TSHR: variants seen among roughly 807,000 people sequenced by gnomAD.
TSHR encodes the protein thyroid stimulating hormone receptor, also known as thyrotropin receptor.
A neutral mutation model predicts 64.1 loss-of-function variants in TSHR; 51 were observed. The observed-to-expected ratio is 0.80, with a 90% CI of 0.64 to 1.01. The LOEUF is 1.01. TSHR is among the 50% of genes least tolerant of loss of function. The pLI is 0.00. For missense variants in TSHR, 877 were observed against 942.8 expected (o/e 0.93, Z 0.91); for synonymous variants, 361 against 361.9 (o/e 1.00, Z 0.03).
chr14:80,991,042 T>A (rs570062447), intron 1 of TSHR, among the ~76,000 whole-genome samples: 9 of 152,342 alleles, frequency 5.9e-5, no homozygotes, highest in African/African-American at 2.2e-4. Flanking sequence ...TAAGTTCTGA[T>A]TTTTCTCTCT....
At chr14:81,090,701 G>T (rs189756766) in intron 4 of TSHR, among the ~76,000 whole-genome samples, 1 of 152,200 alleles carries the variant, frequency 6.6e-6, no homozygotes, top group East Asian at 1.9e-4. Flanking sequence ...CTTCTTCTTA[G>T]CCCTTCACTA....
At chr14:81,073,205 C>G (rs1368819407) in intron 3 of TSHR, among the ~76,000 whole-genome samples, 2 of 150,364 alleles carry the variant, frequency 1.3e-5, no homozygotes, top group Middle Eastern at 3.5e-3. Flanking sequence ...TAGCTTCAAA[C>G]CATATAAAGC....
chr14:81,058,458 T>C (rs1456072388), intron 1 of TSHR, among the ~76,000 whole-genome samples: 2 of 152,262 alleles, frequency 1.3e-5, no homozygotes, highest in Non-Finnish European at 2.9e-5. Flanking sequence ...GATACAAGAC[T>C]ATAGCTGTGA....
At chr14:80,956,036 G>A (rs1039532783) in intron 1 of TSHR, 186 bp downstream of exon 1, 5 of 704,168 alleles carry the variant, frequency 7.1e-6, no homozygotes, top group African/African-American at 5.3e-5. Flanking sequence ...CACTTGGGAA[G>A]GTATCATTGT....
intron 1 of TSHR, among the ~76,000 whole-genome samples, chr14:80,987,892 C>T (rs2024427): frequency 0.19 from 28,145 of 152,090 alleles, 3,217 homozygotes; most frequent in Admixed American, 0.28. Context: ...CTTCCCTTTC[C>T]TACTTCGCCC....
intron 3 of TSHR, among the ~76,000 whole-genome samples, chr14:81,072,531 A>G (rs560022273): frequency 1.0e-3 from 156 of 152,258 alleles, no homozygotes; most frequent in African/African-American, 3.8e-3. Context: ...AAATTAATTA[A>G]TTAATACAAA....
intron 1 of TSHR, among the ~76,000 whole-genome samples, chr14:81,057,484 C>A (rs1359420599): frequency 6.6e-6 from 1 of 152,148 alleles, no homozygotes; most frequent in Non-Finnish European, 1.5e-5. Context: ...ATAAATGTCA[C>A]ATTAAATTGT....
chr14:81,128,744 A>G (rs1442092382), intron 8 of TSHR, among the ~76,000 whole-genome samples: 2 of 152,180 alleles, frequency 1.3e-5, no homozygotes, highest in Non-Finnish European at 2.9e-5. Context: ...CCCTCTCCCC[A>G]GATATCCATA....
rs758039628 is a variant in TSHR, at chr14:81,143,680, T to A, written c.1622T>A (p.Ile541Asn). Residue 541 changes from isoleucine to asparagine, a missense_variant, in exon 10 of 10, where the codon ATC becomes AAC. Physicochemically the swap from Ile to Asn is moderately radical, Grantham distance 149. Transcript: ENST00000298171. ...ATCCGCCTCAGGCACGCATGTGCCA[T>A]CATGGTTGGGGGCTGGGTTTGCTGC... Reference protein sequence around the residue: ...RKIRLRHACAIMVGGWVCCFL... With the variant: ...RKIRLRHACANMVGGWVCCFL... 5 of 1,614,176 alleles carry A rather than the reference T, an allele frequency of 3.1e-6. No individual in the cohort carries two copies. The highest frequency in any genetic ancestry group is 3.4e-6 in the Non-Finnish European group (4 of 1,180,034).
intron 8 of TSHR, among the ~76,000 whole-genome samples, chr14:81,138,657 T>C (rs1422533767): frequency 6.6e-6 from 1 of 152,178 alleles, no homozygotes; most frequent in Non-Finnish European, 1.5e-5. Flanking sequence ...CTGACGGCCT[T>C]GAACCTTGAG....
At chr14:81,033,848 T>C (rs1176140780) in intron 1 of TSHR, among the ~76,000 whole-genome samples, 1 of 152,236 alleles carries the variant, frequency 6.6e-6, no homozygotes, top group Non-Finnish European at 1.5e-5. Flanking sequence ...CTGTGGGTAA[T>C]CTGCAGCTAG....
intron 1 of TSHR, chr14:81,003,276 A>G (rs1889436643): frequency 6.6e-6 from 1 of 152,174 alleles, no homozygotes; most frequent in South Asian, 2.1e-4. Context: ...CTTTTTGTAC[A>G]GTACACATGC....
rs773835077 is a variant in TSHR at position 81,068,281 on chromosome 14, G to T, written c.270G>T (p.Gln90His). ...ACGTATCTATAGATGTGACTCTGCA[G>T]CAGCTGGAATCACACTCCTTCTACA... ...RIYVSIDVTL[Q>H]QLESHSFYNL... Residue 90 changes from glutamine (Q) to histidine (H), a missense_variant, in exon 3 of 10, where the codon CAG becomes CAT. Physicochemically the swap from Gln to His is conservative, Grantham distance 24. Transcript: ENST00000298171. 3 of 1,613,128 alleles carry T rather than the reference G, an allele frequency of 1.9e-6. No individual in the cohort carries two copies. The highest frequency in any genetic ancestry group is 1.7e-4 in the Middle Eastern group (1 of 6,058).
At chr14:81,069,750 G>A (rs1886926008) in intron 3 of TSHR, among the ~76,000 whole-genome samples, 1 of 152,106 alleles carries the variant, frequency 6.6e-6, no homozygotes, top group Non-Finnish European at 1.5e-5. Flanking sequence ...CCCTTGCAAA[G>A]ACTAAAGCCT....
intron 8 of TSHR, among the ~76,000 whole-genome samples, chr14:81,129,567 C>T (rs1891153493): frequency 6.6e-6 from 1 of 152,208 alleles, no homozygotes; most frequent in Non-Finnish European, 1.5e-5. Flanking sequence ...CATCCCACTT[C>T]CCCATTCCCT....
In TSHR at chr14:81,108,426, A is replaced by G. The variant is rs1890045988; in HGVS notation, c.666A>G (p.Gly222=). The G allele has an allele frequency of 6.2e-7, 1 of 1,613,748 alleles. No homozygotes were observed. The highest frequency in any genetic ancestry group is 8.5e-7 in the Non-Finnish European group (1 of 1,179,870). Residue 222 remains glycine (G), a synonymous_variant, in exon 8 of 10, where the codon GGA becomes GGG. Coordinates refer to ENST00000298171, the MANE Select transcript of TSHR (RefSeq NM_000369.5). The stretch of plus-strand genomic sequence containing the variant: ...CAGTTATTGACAAAGATGCATTTGG[A>G]GGAGTATACAGTGGACCAAGCTTGC... ...YLTVIDKDAF[G]GVYSGPSLLD... is the part of the protein sequence containing the mutation.
chr14:81,046,845 G>C (rs910882929), intron 1 of TSHR, among the ~76,000 whole-genome samples: 6 of 152,032 alleles, frequency 3.9e-5, no homozygotes, highest in African/African-American at 1.4e-4. Flanking sequence ...ACCTACAAAG[G>C]AATGAAGGTT....
At chr14:81,087,119 A>G (rs999899905) in intron 3 of TSHR, among the ~76,000 whole-genome samples, 1 of 152,246 alleles carries the variant, frequency 6.6e-6, no homozygotes, top group Non-Finnish European at 1.5e-5. Flanking sequence ...GTCACATTCT[A>G]AGCTTTCTGA....
At chr14:81,021,976 T>G (rs1222643342) in intron 1 of TSHR, among the ~76,000 whole-genome samples, 1 of 151,960 alleles carries the variant, frequency 6.6e-6, no homozygotes, top group Non-Finnish European at 1.5e-5. Flanking sequence ...AAAATTACAG[T>G]AATCGGCCGC....
Sources: allele counts gnomAD v4.1 joint callset (sites outside exome capture counted in the v4.1 genomes callset), GRCh38; gene constraint gnomAD v4.1.1; transcripts MANE v1.5; gene names NCBI Gene and HGNC (gene_info 2026-07-23, HGNC 2026-07-21).